MYT1L: variants seen among roughly 807,000 people sequenced by gnomAD.
MYT1L encodes myelin transcription factor 1-like protein.
In MYT1L, 12 loss-of-function variants were observed where a neutral mutation model predicts 126.7. The observed-to-expected ratio is 0.09, with a 90% CI of 0.06 to 0.15. MYT1L has a LOEUF of 0.15. Ranked by LOEUF, MYT1L falls within the 10% of genes least tolerant of loss-of-function variation. The pLI, the probability that MYT1L is intolerant of heterozygous loss-of-function variation, is 1.00. For missense variants in MYT1L, 979 were observed against 1,585.2 expected (o/e 0.62, Z 6.49); for synonymous variants, 541 against 604.2 (o/e 0.90, Z 1.53).
intron 1 of MYT1L, among the ~76,000 whole-genome samples, chr2:2,300,369 G>C (rs535588718): frequency 3.3e-5 from 5 of 152,292 alleles, no homozygotes; most frequent in Non-Finnish European, 7.3e-5. Flanking sequence ...AAGCAAAGCA[G>C]TATATTGTTT....
intron 3 of MYT1L, among the ~76,000 whole-genome samples, chr2:2,120,380 T>C (rs2080827713): frequency 6.6e-6 from 1 of 152,166 alleles, no homozygotes. Flanking sequence ...ATGCATAATG[T>C]GATGACTATA....
chr2:2,077,364 A>G (rs1413642887), intron 3 of MYT1L, among the ~76,000 whole-genome samples: 1 of 152,242 alleles, frequency 6.6e-6, no homozygotes, highest in Non-Finnish European at 1.5e-5. Flanking sequence ...TCAATGTAGA[A>G]TATACATAAA....
At chr2:1,845,547 C>A (rs1016116018) in intron 19 of MYT1L, among the ~76,000 whole-genome samples, 3 of 152,042 alleles carry the variant, frequency 2.0e-5, no homozygotes, top group African/African-American at 7.2e-5. Flanking sequence ...CCCCAGGGGC[C>A]CCTCCCACTC....
At chr2:2,015,152 G>T (rs1455238778) in intron 4 of MYT1L, among the ~76,000 whole-genome samples, 1 of 152,184 alleles carries the variant, frequency 6.6e-6, no homozygotes, top group Non-Finnish European at 1.5e-5. Flanking sequence ...TTTACAAAGG[G>T]ATGCATGGCC....
intron 3 of MYT1L, among the ~76,000 whole-genome samples, chr2:2,157,477 C>T (rs944767963): frequency 2.0e-5 from 3 of 152,128 alleles, no homozygotes; most frequent in African/African-American, 7.2e-5. Context: ...GAGGGAGCTG[C>T]CATTAGTTCA....
intron 1 of MYT1L, among the ~76,000 whole-genome samples, chr2:2,296,366 AT>A (rs141958866): frequency 2.0e-5 from 3 of 151,724 alleles, no homozygotes; most frequent in African/African-American, 4.8e-5. Flanking sequence ...TAGATCATTT[AT>A]TTTTTTTTAA....
intron 4 of MYT1L, among the ~76,000 whole-genome samples, chr2:2,004,639 A>G (rs540450234): frequency 7.0e-6 from 1 of 142,084 alleles, no homozygotes; most frequent in South Asian, 2.3e-4. Flanking sequence ...TCTTTCCTGC[A>G]GGCATTCTTT....
chr2:1,956,392 T>TTCTGTCTGTCTA (rs1328395072), intron 8 of MYT1L, among the ~76,000 whole-genome samples: 2 of 80,654 alleles, frequency 2.5e-5, no homozygotes, highest in East Asian at 4.5e-4. Flanking sequence ...TTCCTATTCT[T>TTCTGTCTGTCTA]TCTATCTGTC....
chr2:2,168,732 C>T (rs568125204), intron 3 of MYT1L, among the ~76,000 whole-genome samples: 1 of 152,264 alleles, frequency 6.6e-6, no homozygotes, highest in East Asian at 1.9e-4. Context: ...TGTTTTACTC[C>T]AAATCCAGAA....
At chr2:2,267,944 G>T (rs999793982) in intron 2 of MYT1L, among the ~76,000 whole-genome samples, 2 of 152,008 alleles carry the variant, frequency 1.3e-5, no homozygotes, top group South Asian at 4.2e-4. Context: ...TTAAGGTCAC[G>T]CATCCAATAC....
At chr2:2,214,257 T>TTATCTATC (rs61708071) in intron 2 of MYT1L, among the ~76,000 whole-genome samples, 1,797 of 147,414 alleles carry the variant, frequency 0.012, 14 homozygotes, top group East Asian at 0.022. Context: ...ATGAGACAAA[T>TTATCTATC]TATCTATCTA....
intron 3 of MYT1L, among the ~76,000 whole-genome samples, chr2:2,106,781 A>G (rs1290068115): frequency 6.6e-6 from 1 of 152,200 alleles, no homozygotes; most frequent in Non-Finnish European, 1.5e-5. Flanking sequence ...CATTTGATGC[A>G]TCCAGTATCT....
Position 1,922,372 on chromosome 2 carries a change from T to A in MYT1L, c.1397A>T (p.Glu466Val), listed in dbSNP as rs774742575. 1 of 1,614,006 alleles carries A rather than the reference T, an allele frequency of 6.2e-7. No homozygotes were observed. Among genetic ancestry groups the A allele is most frequent in the South Asian group, 1.1e-5 (1 of 91,082 alleles). Residue 466 changes from glutamate to valine, a missense_variant, in exon 10 of 25, where the codon GAG becomes GTG. Glu to Val is a moderately radical substitution (Grantham distance 121, BLOSUM62 -2). Around this residue, in one of 12 missense-constraint regions of MYT1L, gnomAD observed 67 missense variants for 80.3 expected, o/e 0.83. Transcript: ENST00000647738. The surrounding 1 kb of genome is among the most constrained non-coding windows in gnomAD (Gnocchi z 7.4). ...AGRRDNMRSY[E>V]DQSPRQLPGE... ...GGGAAGTTGTCTCGGAGACTGGTCC[T>A]CATATGACCTCATATTGTCCCTCCT...
chr2:1,936,222 C>G (rs902782131), intron 9 of MYT1L, among the ~76,000 whole-genome samples: 2 of 152,252 alleles, frequency 1.3e-5, no homozygotes, highest in African/African-American at 2.4e-5. Flanking sequence ...CACACCCGTC[C>G]TCTACCTGCA....
At chr2:2,021,649 G>C (rs2065038940) in intron 4 of MYT1L, among the ~76,000 whole-genome samples, 1 of 152,224 alleles carries the variant, frequency 6.6e-6, no homozygotes, top group Non-Finnish European at 1.5e-5. Flanking sequence ...TAAAATCCCT[G>C]CACTTTGCGA....
intron 2 of MYT1L, among the ~76,000 whole-genome samples, chr2:2,282,016 C>G (rs991319113): frequency 6.6e-6 from 1 of 152,104 alleles, no homozygotes; most frequent in South Asian, 2.1e-4. Context: ...GGTAGTGGAT[C>G]TCGAAATTCT....
At chr2:1,928,417 T>C (rs1339431605) in intron 9 of MYT1L, among the ~76,000 whole-genome samples, 1 of 152,170 alleles carries the variant, frequency 6.6e-6, no homozygotes, top group African/African-American at 2.4e-5. Flanking sequence ...GTTTACCCCA[T>C]CACTCACTGT....
chr2:2,003,894 C>T (rs894136077), intron 4 of MYT1L, among the ~76,000 whole-genome samples: 3 of 152,154 alleles, frequency 2.0e-5, no homozygotes, highest in African/African-American at 2.4e-5. Context: ...CATCATGAAG[C>T]CTAATACATT....
Position 1,917,198 on chromosome 2 carries a change from G to A in MYT1L, c.1618+7C>T. ...CCCCCAAGGGTAGCGGTGAGACGTG[G>A]ACTTACTTTCTGGAGGGACCCTATC... On this transcript the variant is annotated splice_region_variant and intron_variant, in intron 11 of 24. Transcript: ENST00000647738. This position sits in a 1 kb window ranked among gnomAD's most constrained non-coding sequence, Gnocchi z 5.9. The A allele has an allele frequency of 6.2e-7, 1 of 1,612,230 alleles. No individual in the cohort carries two copies. Among genetic ancestry groups the A allele is most frequent in the East Asian group, 2.2e-5 (1 of 44,856 alleles).
Sources: gnomAD v4.1 joint callset for allele counts (sites outside exome capture counted in the v4.1 genomes callset) on GRCh38, gnomAD v4.1.1 for gene constraint, gnomAD v4.1.1 regional missense constraint, Gnocchi (gnomAD v3.1) non-coding constraint, MANE v1.5 for transcripts, NCBI Gene and HGNC (gene_info 2026-07-23, HGNC 2026-07-21) for gene names.